SLC36A1: variants seen among roughly 807,000 people sequenced by gnomAD.
SLC36A1 encodes proton-coupled amino acid transporter 1.
SLC36A1 carries 30 observed loss-of-function variants against 47.5 expected under a neutral mutation model. That is an observed-to-expected ratio of 0.63 (90% confidence interval 0.47 to 0.86). The LOEUF is 0.86. Ranked by LOEUF, SLC36A1 falls within the 40% of genes least tolerant of loss-of-function variation. SLC36A1 has a pLI of 0.00. For synonymous variants in SLC36A1, 255 were observed against 249.7 expected, an observed-to-expected ratio of 1.02 and a Z score of -0.20; for missense variants, 517 against 606.0, an observed-to-expected ratio of 0.85 and a Z score of 1.54.
chr5:151,483,164 G>A (rs956739284), intron 10 of SLC36A1, among the ~76,000 whole-genome samples: 9 of 152,208 alleles, frequency 5.9e-5, no homozygotes, highest in Non-Finnish European at 7.3e-5. Flanking sequence ...AGCGTATTTC[G>A]TAAGTTCGCT....
chr5:151,473,958 G>A (rs998585826), intron 8 of SLC36A1, among the ~76,000 whole-genome samples, 187 bp downstream of exon 8: 3 of 151,688 alleles, frequency 2.0e-5, no homozygotes, highest in Admixed American at 6.6e-5. Flanking sequence ...TCAGGAGTTC[G>A]AAACCAGCCT....
At chr5:151,361,995 A>T in the SLC36A1 span, among the ~76,000 whole-genome samples, 1 of 152,094 alleles carries the variant, frequency 6.6e-6, no homozygotes, top group African/African-American at 2.4e-5. Flanking sequence ...TGCATTTAGA[A>T]TCCTCTCTCT....
At chr5:151,413,933 A>G in the SLC36A1 span, among the ~76,000 whole-genome samples, 1 of 152,138 alleles carries the variant, frequency 6.6e-6, no homozygotes. Flanking sequence ...CTAAGTGAAC[A>G]CAGTGCTTTG....
At chr5:151,382,323 A>C in the SLC36A1 span, 17 of 970,480 alleles carry the variant, frequency 1.8e-5, no homozygotes, top group South Asian at 2.7e-5. Flanking sequence ...CAGCAGCCTC[A>C]AGTTCAGCCT....
At chr5:151,497,170 G>C (rs1180384582), downstream of SLC36A1, among the ~76,000 whole-genome samples, 4 of 152,148 alleles carry the variant, frequency 2.6e-5, no homozygotes, top group African/African-American at 9.7e-5. Flanking sequence ...AGTGGTGAGA[G>C]TGAACATCCT....
the SLC36A1 span, among the ~76,000 whole-genome samples, chr5:151,430,524 C>T: frequency 6.6e-6 from 1 of 151,984 alleles, no homozygotes; most frequent in Non-Finnish European, 1.5e-5. Flanking sequence ...TGGGGTTTCA[C>T]CATGTTGGTC....
chr5:151,476,878 C>T (rs745936509), intron 9 of SLC36A1, 122 bp downstream of exon 9: 5 of 1,236,384 alleles, frequency 4.0e-6, no homozygotes, highest in Non-Finnish European at 5.8e-6. Flanking sequence ...AGCCCACCAT[C>T]CCCTGCCACT....
the SLC36A1 span, chr5:151,517,684 A>G: frequency 6.2e-7 from 1 of 1,614,162 alleles, no homozygotes; most frequent in Non-Finnish European, 8.5e-7. Context: ...GAGTGTTTTC[A>G]GATAGAAATG....
At chr5:151,517,814 G>A in the SLC36A1 span, 3 of 1,606,546 alleles carry the variant, frequency 1.9e-6, no homozygotes, top group East Asian at 6.7e-5. Context: ...GGTCCCCATT[G>A]AGCCCTTGGA....
the SLC36A1 span, among the ~76,000 whole-genome samples, chr5:151,396,483 ATTC>A: frequency 6.6e-6 from 1 of 152,170 alleles, no homozygotes; most frequent in South Asian, 2.1e-4. Flanking sequence ...CTAAGTCTTT[ATTC>A]TTTATAAATT....
the SLC36A1 span, chr5:151,534,317 A>C: frequency 1.0e-6 from 1 of 973,504 alleles, no homozygotes; most frequent in Admixed American, 2.7e-5. Flanking sequence ...CACCGCCCTT[A>C]CCAGTCCTAG....
chr5:151,351,949 G>A, the SLC36A1 span, among the ~76,000 whole-genome samples: 10 of 152,246 alleles, frequency 6.6e-5, no homozygotes, highest in Admixed American at 2.6e-4. Flanking sequence ...ACAAGGTCCT[G>A]CATGATCCAG....
chr5:151,374,089 C>T, the SLC36A1 span, among the ~76,000 whole-genome samples: 7 of 152,278 alleles, frequency 4.6e-5, no homozygotes, highest in South Asian at 2.1e-4. Context: ...CAGCAGCGTG[C>T]GTCAGCAAGA....
rs1330411151 is a variant in SLC36A1 at position 151,489,844 on chromosome 5, C to T, written c.*1590C>T. Reference sequence around the variant, plus strand: ...GTTCCTGTGTAAGTAACAGACCAGACTCCTTTTCTCTTCTGTCCCGTCACC... The same window carrying T: ...GTTCCTGTGTAAGTAACAGACCAGATTCCTTTTCTCTTCTGTCCCGTCACC... On this transcript the variant is annotated 3_prime_UTR_variant, in exon 11 of 11. Coordinates refer to ENST00000243389, the MANE Select transcript of SLC36A1 (RefSeq NM_078483.4). The surrounding 1 kb of genome is among the most constrained non-coding windows in gnomAD (Gnocchi z 4.5). 1 of 152,160 alleles carries T rather than the reference C, an allele frequency of 6.6e-6. No individual in the cohort carries two copies. The highest frequency in any genetic ancestry group is 2.4e-5 in the African/African-American group (1 of 41,414). The allele number at this position is 152,160 out of a possible 1,614,324, so 9.4% of individuals were successfully genotyped here.
At chr5:151,347,779 T>C in the SLC36A1 span, among the ~76,000 whole-genome samples, 1 of 152,228 alleles carries the variant, frequency 6.6e-6, no homozygotes, top group Non-Finnish European at 1.5e-5. Context: ...AACAAATATC[T>C]ATTAAGCCCT....
At chr5:151,512,070 C>G in the SLC36A1 span, 4 of 1,203,154 alleles carry the variant, frequency 3.3e-6, 1 homozygote, top group African/African-American at 3.0e-5. The surrounding 1 kb of genome is among the most constrained non-coding windows in gnomAD (Gnocchi z 4.1). Context: ...AATTTGGAAC[C>G]AGGAGGCTCT....
At chr5:151,507,098 G>A in the SLC36A1 span, 5 of 1,469,724 alleles carry the variant, frequency 3.4e-6, no homozygotes, top group Non-Finnish European at 4.6e-6. Context: ...GGAGTGTTTA[G>A]AACCACCACC....
the SLC36A1 span, chr5:151,532,046 A>C: frequency 6.4e-7 from 1 of 1,556,666 alleles, no homozygotes; most frequent in Non-Finnish European, 8.7e-7. Flanking sequence ...CCCTGCAGCC[A>C]CAGGAGGGGC....
chr5:151,482,117 G>A (rs891127638), intron 10 of SLC36A1, among the ~76,000 whole-genome samples: 2 of 152,192 alleles, frequency 1.3e-5, no homozygotes, highest in Non-Finnish European at 2.9e-5. Flanking sequence ...GGAATGCAGA[G>A]CTGCAAAACA....
Sources: allele counts gnomAD v4.1 joint callset (sites outside exome capture counted in the v4.1 genomes callset), GRCh38; gene constraint gnomAD v4.1.1; non-coding constraint Gnocchi (gnomAD v3.1); transcripts MANE v1.5; gene names NCBI Gene and HGNC (gene_info 2026-07-23, HGNC 2026-07-21).